The following SPACA7 variants were observed in gnomAD, a reference collection of about 807,000 sequenced individuals.
The protein encoded by SPACA7 is sperm acrosome-associated protein 7.
In SPACA7, 19 loss-of-function variants were observed where a neutral mutation model predicts 26.3. That is an observed-to-expected ratio of 0.72 (90% confidence interval 0.50 to 1.06). SPACA7 has a LOEUF of 1.06. Ranked by LOEUF, SPACA7 falls within the 50% of genes least tolerant of loss-of-function variation. SPACA7 has a pLI of 0.00. For synonymous variants in SPACA7, 84 were observed against 84.5 expected (o/e 0.99, Z 0.04); for missense variants, 211 against 229.9 (o/e 0.92, Z 0.53).
chr13:112,385,163 A>G (rs1469886120), intron 1 of SPACA7, among the ~76,000 whole-genome samples: 1 of 152,250 alleles, frequency 6.6e-6, no homozygotes, highest in African/African-American at 2.4e-5. Flanking sequence ...AGAATTTTGT[A>G]TAAGATTAAC....
In SPACA7 at chr13:112,425,492, C is replaced by A. The variant is rs146382367; in HGVS notation, c.446-6952C>A. 6.0e-4 allele frequency among the ~76,000 whole-genome samples: 92 copies of A among 152,212 alleles called. 2 individuals carry two copies. In the Middle Eastern group the frequency reaches 0.02, roughly 34 times the overall value. ...GACTCTGCTCCCAGTTTTCAGGCAG[C>A]GCGAGGCCACCCAGGATGGGCCATA... is the stretch of plus-strand genomic sequence containing the variant. On this transcript the variant is annotated intron_variant, in intron 5 of 6. Transcript: ENST00000283550.
chr13:112,419,228 G>A (rs182153039), intron 5 of SPACA7, among the ~76,000 whole-genome samples: 85 of 152,260 alleles, frequency 5.6e-4, no homozygotes, highest in Non-Finnish European at 3.4e-4. Flanking sequence ...AGGAAAACAG[G>A]TCACCACCAT....
At chr13:112,391,438 A>C (rs570512629) in intron 1 of SPACA7, among the ~76,000 whole-genome samples, 1 of 152,210 alleles carries the variant, frequency 6.6e-6, no homozygotes, top group Non-Finnish European at 1.5e-5. Context: ...CTAGTGATTG[A>C]GAAGGGTGCA....
At chr13:112,421,903 A>C (rs1876023797) in intron 5 of SPACA7, among the ~76,000 whole-genome samples, 1 of 152,130 alleles carries the variant, frequency 6.6e-6, no homozygotes, top group Non-Finnish European at 1.5e-5. Context: ...AGTGGAAGCT[A>C]AATGATGAGA....
In SPACA7 at chr13:112,401,165, G is replaced by C. The variant is rs373165692; in HGVS notation, c.445+1G>C. On this transcript the variant is annotated splice_donor_variant, in intron 5 of 6. Transcript: ENST00000283550. LOFTEE classifies it high-confidence loss of function. ...AGTGAGAAGAGTGTTTCCAGTAAAG[G>C]TAAATGTGCCCTGCCCACACTGAGA... 28 of 1,611,866 alleles carry C rather than the reference G, an allele frequency of 1.7e-5. No homozygotes were observed. The highest frequency in any genetic ancestry group is 2.1e-5 in the Non-Finnish European group (25 of 1,178,122).
intron 1 of SPACA7, among the ~76,000 whole-genome samples, chr13:112,389,993 A>G (rs1347178357): frequency 6.6e-6 from 1 of 152,214 alleles, no homozygotes; most frequent in Non-Finnish European, 1.5e-5. Flanking sequence ...CACTGAGTAG[A>G]TAAAATGCCC....
intron 1 of SPACA7, among the ~76,000 whole-genome samples, chr13:112,383,678 T>G (rs934064528): frequency 6.6e-6 from 1 of 152,228 alleles, no homozygotes; most frequent in African/African-American, 2.4e-5. Context: ...AAAGTGACAT[T>G]TTTTATTTAG....
At chr13:112,428,699 G>C (rs1296358414) in intron 5 of SPACA7, among the ~76,000 whole-genome samples, 1 of 152,168 alleles carries the variant, frequency 6.6e-6, no homozygotes, top group Non-Finnish European at 1.5e-5. Context: ...ATTTTGGTGA[G>C]AAAATATATG....
chr13:112,395,515 G>A (rs529113306), intron 2 of SPACA7, among the ~76,000 whole-genome samples: 11 of 152,104 alleles, frequency 7.2e-5, no homozygotes, highest in South Asian at 4.2e-4. Flanking sequence ...TTGCCACCCA[G>A]GGTGAAGTGC....
chr13:112,399,308 G>T, intron 4 of SPACA7, 135 bp downstream of exon 4: 1 of 674,020 alleles, frequency 1.5e-6, no homozygotes, highest in Admixed American at 2.3e-5. Context: ...ACTTCCCCTG[G>T]TTGGGCAGAT....
intron 2 of SPACA7, among the ~76,000 whole-genome samples, chr13:112,395,735 G>T (rs1395551357): frequency 6.6e-6 from 1 of 152,114 alleles, no homozygotes; most frequent in Non-Finnish European, 1.5e-5. Context: ...CTCCCAGTGC[G>T]CTGGGATTAC....
chr13:112,376,407 G>A lies in SPACA7; in HGVS notation c.22G>A (p.Gly8Arg), dbSNP rs371450064. MAVSQGD[G>R]TLCFVLLLCC... ...GAGCATGGCAGTGAGCCAAGGAGAC[G>A]GGACCCTCTGCTTTGTCCTCCTGCT... is the stretch of plus-strand genomic sequence containing the variant. Residue 8 changes from glycine (G) to arginine (R), a missense_variant, in exon 1 of 7, where the codon GGG (glycine) becomes AGG (arginine). By Grantham distance (125) the Gly-to-Arg change is moderately radical. Coordinates refer to ENST00000283550, the MANE Select transcript of SPACA7 (RefSeq NM_145248.5). The A allele has an allele frequency of 5.2e-5, 84 of 1,613,678 alleles. No individual in the cohort carries two copies. Among genetic ancestry groups the A allele is most frequent in the East Asian group, 4.7e-4 (21 of 44,838 alleles).
At chr13:112,400,031 C>T (rs923569641) in intron 4 of SPACA7, among the ~76,000 whole-genome samples, 2 of 152,152 alleles carry the variant, frequency 1.3e-5, no homozygotes, top group Non-Finnish European at 1.5e-5. Context: ...CAGGTCCCTC[C>T]CCTAACACTG....
intron 5 of SPACA7, among the ~76,000 whole-genome samples, chr13:112,406,548 G>T (rs1886000844): frequency 6.6e-6 from 1 of 151,956 alleles, no homozygotes; most frequent in Admixed American, 6.6e-5. Flanking sequence ...AATTAGCAAG[G>T]GACTTGAATA....
intron 5 of SPACA7, among the ~76,000 whole-genome samples, chr13:112,423,742 A>C (rs568898973): frequency 2.6e-5 from 4 of 152,352 alleles, no homozygotes; most frequent in African/African-American, 9.6e-5. Flanking sequence ...AATAGAAATG[A>C]AATTAGACAT....
At chr13:112,421,745 G>C (rs193213671) in intron 5 of SPACA7, among the ~76,000 whole-genome samples, 1 of 152,292 alleles carries the variant, frequency 6.6e-6, no homozygotes, top group Non-Finnish European at 1.5e-5. Flanking sequence ...TAAAGAAAAT[G>C]TGGTGCATAT....
At chr13:112,432,742 C>T (rs45512295) in intron 6 of SPACA7, among the ~76,000 whole-genome samples, 38,145 of 152,084 alleles carry the variant, frequency 0.25, 5,486 homozygotes, top group Non-Finnish European at 0.33. Flanking sequence ...TGAAGGAGTG[C>T]TCTCCCTTTT....
intron 5 of SPACA7, among the ~76,000 whole-genome samples, chr13:112,405,512 A>G (rs1885928625): frequency 6.6e-6 from 1 of 152,110 alleles, no homozygotes; most frequent in Non-Finnish European, 1.5e-5. Flanking sequence ...TTCTAGTTTT[A>G]TTGCCCTGTG....
chr13:112,430,191 T>TGTGTGTGC (rs1359530025), intron 5 of SPACA7, among the ~76,000 whole-genome samples: 1 of 151,788 alleles, frequency 6.6e-6, no homozygotes, highest in African/African-American at 2.4e-5. Flanking sequence ...TGTGTGTGTG[T>TGTGTGTGC]GTGTGTGTGT....
Sources: allele counts gnomAD v4.1 joint callset (sites outside exome capture counted in the v4.1 genomes callset), GRCh38; gene constraint gnomAD v4.1.1; transcripts MANE v1.5; gene names NCBI Gene and HGNC (gene_info 2026-07-23, HGNC 2026-07-21).